Variants in KRT4 observed in about 807,000 individuals in gnomAD.
KRT4 encodes the protein keratin 4.
In KRT4, 47 loss-of-function variants were observed where a neutral mutation model predicts 50.6. The observed-to-expected ratio is 0.93, with a 90% CI of 0.73 to 1.18. KRT4 has a LOEUF of 1.18. KRT4 is among the 50% of genes most tolerant of loss of function. The probability of loss-of-function intolerance (pLI) is 0.00; values close to 1 mark genes in which losing one functional copy is unlikely to be tolerated. For synonymous variants in KRT4, 254 were observed against 251.2 expected (o/e 1.01, Z -0.10); for missense variants, 651 against 645.7 (o/e 1.01, Z -0.09).
rs752880188 is a variant in KRT4 at position 52,813,906 on chromosome 12, G to C, written c.153C>G (p.Ser51Arg). The change falls in exon 1 of 9, where the codon AGC becomes AGG. Residue 51 changes from serine to arginine, a missense_variant. Physicochemically the swap from Ser to Arg is moderately radical, Grantham distance 110. Coordinates refer to ENST00000551956, the MANE Select transcript of KRT4 (RefSeq NM_002272.4). ...TTTTGTTCCCCCTGAGGTTGTAGAG[G>C]CTTCTGCTGCCAAATCCCCCAGAAG... ...RCSSGGFGSR[S>R]LYNLRGNKSI... The C allele has an allele frequency of 6.4e-6, 8 of 1,258,390 alleles. No individual in the cohort carries two copies. In the South Asian group the frequency reaches 1.0e-4, roughly 16 times the overall value. 78.0% of individuals were successfully genotyped at this position (1,258,390 alleles called of 1,614,324 possible).
chr12:52,810,921 T>TC, intron 2 of KRT4, 105 bp from the exon 3 acceptor site: 1 of 886,776 alleles, frequency 1.1e-6, no homozygotes, highest in Non-Finnish European at 1.9e-6. Flanking sequence ...TTTGGAAATA[T>TC]CCACGTAATT....
chr12:52,808,644 C>T (rs765346830), intron 5 of KRT4, 42 bp downstream of exon 5: 1 of 1,609,820 alleles, frequency 6.2e-7, no homozygotes. Flanking sequence ...AAAGCAGAGC[C>T]CCAGAGCCAG....
intron 1 of KRT4, among the ~76,000 whole-genome samples, chr12:52,812,293 G>T (rs759830619): frequency 6.6e-6 from 1 of 152,164 alleles, no homozygotes; most frequent in Non-Finnish European, 1.5e-5. Context: ...AAACTTCTAT[G>T]AAATAACAAA....
At chr12:52,813,228 C>T (rs1939942185) in intron 1 of KRT4, among the ~76,000 whole-genome samples, 1 of 152,066 alleles carries the variant, frequency 6.6e-6, no homozygotes, top group African/African-American at 2.4e-5. Flanking sequence ...CAGAAGTGGC[C>T]ACTGTTAAGT....
chr12:52,810,525 C>T (rs1261154502), intron 3 of KRT4, among the ~76,000 whole-genome samples: 2 of 151,558 alleles, frequency 1.3e-5, no homozygotes, highest in African/African-American at 2.4e-5. Flanking sequence ...GCAGCCTGGG[C>T]AAAAAGAGTG....
chr12:52,808,790 T>C lies in KRT4; in HGVS notation c.895A>G (p.Asn299Asp). Residue 299 changes from asparagine (N) to aspartate (D), a missense_variant, in exon 5 of 9, where the codon AAC becomes GAC. By Grantham distance (23) the Asn-to-Asp change is conservative (BLOSUM62 1). Transcript: ENST00000551956. Reference sequence around the variant, plus strand: ...ATGCTGTCCAGGTCCAGGTTGCGGTTGTTGTCCATGGAAAGGACCACGGAC... The same window carrying C: ...ATGCTGTCCAGGTCCAGGTTGCGGTCGTTGTCCATGGAAAGGACCACGGAC... ...DTSVVLSMDN[N>D]RNLDLDSIIA... The C allele has an allele frequency of 6.2e-7, 1 of 1,614,184 alleles. No homozygotes were observed. Among genetic ancestry groups the C allele is most frequent in the Non-Finnish European group, 8.5e-7 (1 of 1,180,030 alleles).
Position 52,807,799 on chromosome 12 carries a change from G to A in KRT4, c.1191C>T (p.Ala397=). Residue 397 remains alanine, a synonymous_variant, in exon 7 of 9, where the codon GCC becomes GCT. Coordinates refer to ENST00000551956, the MANE Select transcript of KRT4 (RefSeq NM_002272.4). Reference sequence around the variant, plus strand: ...CCTCCAGCTCTACGCGCTTGCTGTGGGCATCTTTAAGGGCATTCTCACCTC... The same window carrying A: ...CCTCCAGCTCTACGCGCTTGCTGTGAGCATCTTTAAGGGCATTCTCACCTC... The part of the protein sequence containing the change: ...EQRGENALKD[A]HSKRVELEAA... 6.2e-7 allele frequency: 1 copy of A among 1,614,128 alleles called. No individual in the cohort carries two copies. Among genetic ancestry groups the A allele is most frequent in the East Asian group, 2.2e-5 (1 of 44,872 alleles).
At position 52,806,899 on chromosome 12, in the gene KRT4, C is replaced by G; in HGVS notation, c.*170G>C. On this transcript the variant is annotated 3_prime_UTR_variant, in exon 9 of 9. Transcript: ENST00000551956. The stretch of plus-strand genomic sequence containing the variant: ...TACCAAACTCCAAGAGGCAGAGTCC[C>G]TGTCCCAGCACAGAAGATCATCCTG... The G allele has an allele frequency of 1.3e-6, 1 of 759,086 alleles. No individual in the cohort carries two copies. The highest frequency in any genetic ancestry group is 2.2e-6 in the Non-Finnish European group (1 of 444,794). The allele number at this position is 759,086 out of a possible 1,614,324, so 47.0% of individuals were successfully genotyped here. A position where few individuals can be genotyped will look rare whatever the true frequency, so the allele number is the denominator to read the frequency against.
rs1350813418 is a variant in KRT4, at chr12:52,806,829, C to T, written c.*240G>A. 1 of 587,414 alleles carries T rather than the reference C, an allele frequency of 1.7e-6. No individual in the cohort carries two copies. The highest frequency in any genetic ancestry group is 3.1e-6 in the Non-Finnish European group (1 of 326,512). 36.4% of individuals were successfully genotyped at this position (587,414 alleles called of 1,614,324 possible). ...TGGGAGGTGAGAGGTCAGCTGACAT[C>T]CTTCCCATTCCAGGTGGGTCACCAG... On this transcript the variant is annotated 3_prime_UTR_variant, in exon 9 of 9. Coordinates refer to ENST00000551956, the MANE Select transcript of KRT4 (RefSeq NM_002272.4).
intron 7 of KRT4, 73 bp from the exon 8 acceptor site, chr12:52,807,466 T>C: frequency 6.4e-7 from 1 of 1,572,542 alleles, no homozygotes; most frequent in Non-Finnish European, 8.7e-7. Context: ...CTCACTCACC[T>C]CTCTTATCCT....
At chr12:52,809,139 A>G in intron 4 of KRT4, 2 of 623,204 alleles carry the variant, frequency 3.2e-6, no homozygotes, top group South Asian at 3.8e-5. Context: ...CTAGACAGCA[A>G]TGAATTCTAT....
chr12:52,810,410 G>A (rs1939888319), intron 3 of KRT4, among the ~76,000 whole-genome samples: 1 of 152,128 alleles, frequency 6.6e-6, no homozygotes, highest in South Asian at 2.1e-4. Flanking sequence ...AGCCAGGCGT[G>A]GTGGTGCATG....
chr12:52,813,115 A>C (rs1326724160), intron 1 of KRT4, among the ~76,000 whole-genome samples: 2 of 152,218 alleles, frequency 1.3e-5, no homozygotes, highest in Non-Finnish European at 2.9e-5. Context: ...CAAAGGAATG[A>C]AAAAAGTAAA....
chr12:52,807,125 AG>A lies in KRT4; in HGVS notation c.1506del (p.Ser503LeufsTer14), dbSNP rs781431141. The stretch of plus-strand genomic sequence containing the variant: ...ATGATCTTGCTGCTGGAACTGCCAG[AG>A]ACACTGCCACCAAACCCAAAGCCAC... ...SGSGFGFGGS[V>X]SGSSSSKIIS... On this transcript the variant is annotated frameshift_variant, in exon 9 of 9. Coordinates refer to ENST00000551956, the MANE Select transcript of KRT4 (RefSeq NM_002272.4). LOFTEE classifies it low-confidence loss of function (END_TRUNC). The A allele has an allele frequency of 6.8e-6, 11 of 1,614,050 alleles. No individual in the cohort carries two copies. The Admixed American group carries it at 1.8e-4, about 27-fold the overall frequency.
In KRT4 at chr12:52,807,341, G is replaced by T. The variant is rs774490308; in HGVS notation, c.1381+18C>A. Reference sequence around the variant, plus strand: ...CCCGGGTGAATGAACAACTACAGCAGGCGTGGAAGGTACTTACAGATGCTC... The same window carrying T: ...CCCGGGTGAATGAACAACTACAGCATGCGTGGAAGGTACTTACAGATGCTC... On this transcript the variant is annotated intron_variant, in intron 8 of 8. Coordinates refer to ENST00000551956, the MANE Select transcript of KRT4 (RefSeq NM_002272.4). The T allele has an allele frequency of 1.9e-5, 30 of 1,614,090 alleles. No homozygotes were observed. The highest frequency in any genetic ancestry group is 3.3e-4 in the Middle Eastern group (2 of 6,084).
At position 52,811,750 on chromosome 12, in the gene KRT4, C is replaced by T. The variant is rs1464915975; in HGVS notation, c.677+13G>A. 3 of 1,607,328 alleles carry T rather than the reference C, an allele frequency of 1.9e-6. No individual in the cohort carries two copies. In the Admixed American group the frequency reaches 5.0e-5, roughly 27 times the overall value. On this transcript the variant is annotated intron_variant, in intron 2 of 8. Transcript: ENST00000551956. ...ATGTGTCAGATGGCGTCCCCTCCTT[C>T]CTCCCCATGTACTTAGTCTTGAAGT...
Position 52,807,756 on chromosome 12 carries a change from T to A in KRT4, c.1234A>T (p.Lys412Ter). 1 of 1,614,194 alleles carries A rather than the reference T, an allele frequency of 6.2e-7. No individual in the cohort carries two copies. The highest frequency in any genetic ancestry group is 1.3e-5 in the African/African-American group (1 of 75,056). ...VELEAALQQA[K>*]EELARMLREY... ...CGCAGCATTCGTGCCAGCTCCTCCT[T>A]GGCCTGCTGCAGGGCAGCCTCCAGC... Residue 412 changes from lysine (K) to a stop codon, truncating the protein, a stop_gained, in exon 7 of 9, where the codon AAG (lysine) becomes TAG (stop). Coordinates refer to ENST00000551956, the MANE Select transcript of KRT4 (RefSeq NM_002272.4). LOFTEE classifies it high-confidence loss of function.
chr12:52,811,540 C>T (rs1409673645), intron 2 of KRT4: 1 of 566,838 alleles, frequency 1.8e-6, no homozygotes, highest in Non-Finnish European at 3.2e-6. Context: ...ATATGGCAGA[C>T]CCAAATCCCT....
At position 52,807,361 on chromosome 12, in the gene KRT4, A is replaced by G; in HGVS notation, c.1379T>C (p.Ile460Thr). ...MSGECQSAVS[I>T]SVVSGSTSTG... ...CAGCAGGCGTGGAAGGTACTTACAG[A>G]TGCTCACGGCACTCTGGCATTCTCC... Residue 460 changes from isoleucine (I) to threonine (T), a missense_variant and splice_region_variant, in exon 8 of 9, where the codon ATC becomes ACC. Ile to Thr is a moderately conservative substitution (Grantham distance 89). Transcript: ENST00000551956. The G allele has an allele frequency of 2.5e-6, 4 of 1,614,212 alleles. No homozygotes were observed. Among genetic ancestry groups the G allele is most frequent in the Non-Finnish European group, 3.4e-6 (4 of 1,180,038 alleles).
Sources: gnomAD v4.1 joint callset for allele counts (sites outside exome capture counted in the v4.1 genomes callset) on GRCh38, gnomAD v4.1.1 for gene constraint, MANE v1.5 for transcripts, NCBI Gene and HGNC (gene_info 2026-07-23, HGNC 2026-07-21) for gene names.